The following NCAM2 variants were observed in gnomAD, a reference collection of about 807,000 sequenced individuals.
The protein encoded by NCAM2 is neural cell adhesion molecule 2.
In NCAM2, 30 loss-of-function variants were observed where a neutral mutation model predicts 98.1. The ratio of observed to expected loss-of-function variants is 0.31; its 90% CI spans 0.23 to 0.41. NCAM2 has a LOEUF of 0.41. Ranked by LOEUF, NCAM2 falls within the 10% of genes least tolerant of loss-of-function variation. The pLI is 1.00. For synonymous variants in NCAM2, 368 were observed against 342.4 expected (o/e 1.07, Z -0.83); for missense variants, 867 against 1,005.8 (o/e 0.86, Z 1.87).
At chr21:21,289,779 G>T (rs1031941937) in intron 4 of NCAM2, among the ~76,000 whole-genome samples, 1 of 151,756 alleles carries the variant, frequency 6.6e-6, no homozygotes, top group Non-Finnish European at 1.5e-5. Flanking sequence ...TATTCAAAGG[G>T]GGCATCATTA....
chr21:21,030,280 T>C (rs1446358582), intron 1 of NCAM2, among the ~76,000 whole-genome samples: 7 of 152,208 alleles, frequency 4.6e-5, no homozygotes, highest in African/African-American at 1.7e-4. Context: ...TTTTGTGACT[T>C]AGTTTGAAGA....
At chr21:21,103,888 A>G (rs898188019) in intron 1 of NCAM2, among the ~76,000 whole-genome samples, 1 of 152,116 alleles carries the variant, frequency 6.6e-6, no homozygotes, top group Admixed American at 6.6e-5. Flanking sequence ...GAGTTTAAAG[A>G]TGGAAAATGA....
chr21:21,288,526 A>T (rs985606035), intron 4 of NCAM2, among the ~76,000 whole-genome samples: 2 of 151,940 alleles, frequency 1.3e-5, no homozygotes, highest in Middle Eastern at 3.2e-3. Context: ...AAAATAAAAT[A>T]AAATCATATT....
intron 1 of NCAM2, among the ~76,000 whole-genome samples, chr21:21,085,855 G>A (rs2065896903): frequency 1.3e-5 from 2 of 152,148 alleles, no homozygotes; most frequent in South Asian, 2.1e-4. Context: ...TGTTACATAA[G>A]TAGAGTCAAA....
chr21:21,487,216 T>A (rs963315520), intron 15 of NCAM2, among the ~76,000 whole-genome samples: 1 of 152,184 alleles, frequency 6.6e-6, no homozygotes, highest in Non-Finnish European at 1.5e-5. Context: ...AATACTGTTG[T>A]TATATGCAGC....
chr21:21,393,250 A>C (rs1425384490), intron 9 of NCAM2, among the ~76,000 whole-genome samples: 1 of 152,124 alleles, frequency 6.6e-6, no homozygotes, highest in Non-Finnish European at 1.5e-5. Flanking sequence ...AAGATCAGGT[A>C]GTTATAGATG....
At chr21:21,153,462 A>G (rs1011546332) in intron 1 of NCAM2, among the ~76,000 whole-genome samples, 3 of 152,034 alleles carry the variant, frequency 2.0e-5, no homozygotes, top group Non-Finnish European at 4.4e-5. Flanking sequence ...ACATAAATAT[A>G]TAGAAATGTA....
chr21:21,044,992 A>T (rs1249491049), intron 1 of NCAM2, among the ~76,000 whole-genome samples: 1 of 152,138 alleles, frequency 6.6e-6, no homozygotes, highest in African/African-American at 2.4e-5. Flanking sequence ...ATGAAAATAC[A>T]TATATATCTA....
Position 21,030,332 on chromosome 21 carries a change from G to A in NCAM2, c.55+31714G>A, listed in dbSNP as rs1601143974. On this transcript the variant is annotated intron_variant, in intron 1 of 17. Transcript: ENST00000400546. ...CAAAGGGCAGGTCCTTGACTACCAC[G>A]ATATTAATTTTCTACTGCTGTTGTC... Among the ~76,000 whole-genome samples, 4 of 152,104 alleles carry A rather than the reference G, an allele frequency of 2.6e-5. 1 individual carries two copies. In the South Asian group the frequency reaches 8.3e-4, roughly 32 times the overall value.
chr21:21,208,452 G>A (rs2069523034), intron 1 of NCAM2, among the ~76,000 whole-genome samples: 1 of 152,240 alleles, frequency 6.6e-6, no homozygotes, highest in African/African-American at 2.4e-5. Context: ...TAGAGCCCAA[G>A]TGTGCTGACA....
chr21:21,088,353 C>G (rs531620981), intron 1 of NCAM2, among the ~76,000 whole-genome samples: 1 of 152,264 alleles, frequency 6.6e-6, no homozygotes, highest in East Asian at 1.9e-4. Flanking sequence ...CTATTCTTAA[C>G]ATCAAATTAA....
chr21:21,190,993 C>G (rs980583347), intron 1 of NCAM2, among the ~76,000 whole-genome samples: 2 of 152,096 alleles, frequency 1.3e-5, no homozygotes, highest in Non-Finnish European at 2.9e-5. Flanking sequence ...TATTTACATA[C>G]AGTATTTATT....
rs1051862191 is a variant in NCAM2 at position 21,541,276 on chromosome 21, C to T, written c.*3319C>T. On this transcript the variant is annotated 3_prime_UTR_variant, in exon 18 of 18. Transcript: ENST00000400546. The stretch of plus-strand genomic sequence containing the variant: ...AAAAAAACTACAATTAACATCATTA[C>T]TAGTATATTTTGCTTAGATTTGAGA... 1 of 151,520 alleles carries T rather than the reference C, an allele frequency of 6.6e-6. No individual in the cohort carries two copies. The highest frequency in any genetic ancestry group is 2.4e-5 in the African/African-American group (1 of 41,356). The allele number at this position is 151,520 out of a possible 1,614,324, so 9.4% of individuals were successfully genotyped here.
At chr21:21,047,304 A>C (rs1285619166) in intron 1 of NCAM2, among the ~76,000 whole-genome samples, 10 of 152,200 alleles carry the variant, frequency 6.6e-5, no homozygotes, top group Non-Finnish European at 7.4e-5. Flanking sequence ...TTGAAAATAG[A>C]AAAATATGCC....
intron 1 of NCAM2, among the ~76,000 whole-genome samples, chr21:21,219,371 C>T (rs959847985): frequency 1.2e-4 from 18 of 152,108 alleles, no homozygotes; most frequent in Non-Finnish European, 2.9e-5. Context: ...ATTGTTTCTA[C>T]TCAATTTAAA....
At chr21:21,141,625 C>A (rs2067169984) in intron 1 of NCAM2, among the ~76,000 whole-genome samples, 1 of 152,124 alleles carries the variant, frequency 6.6e-6, no homozygotes, top group Admixed American at 6.5e-5. Context: ...AGATTTCATT[C>A]CACTCAAGAT....
rs144962760 is a variant in NCAM2, at chr21:21,315,055, G to A, written c.620-9328G>A. ...ACTCTGGATCTTATTTCAGTATTAC[G>A]GAAAATGCTCACTTTTTTTGTTGTT... On this transcript the variant is annotated intron_variant, in intron 5 of 17. Transcript: ENST00000400546. Among the ~76,000 whole-genome samples the A allele has an allele frequency of 7.8e-3, 1,179 of 152,062 alleles. 9 individuals carry two copies. Among genetic ancestry groups the A allele is most frequent in the Middle Eastern group, 0.017 (5 of 294 alleles).
chr21:21,418,406 C>T, intron 10 of NCAM2, 67 bp from the exon 11 acceptor site: 1 of 1,137,504 alleles, frequency 8.8e-7, no homozygotes, highest in Non-Finnish European at 1.3e-6. Context: ...GGTAGTCATA[C>T]TGGGGTTTAT....
chr21:21,229,001 A>G lies in NCAM2; in HGVS notation c.56-51577A>G, dbSNP rs993369451. 5.3e-5 allele frequency among the ~76,000 whole-genome samples: 8 copies of G among 151,574 alleles called. No individual in the cohort carries two copies. The South Asian group carries it at 1.0e-3, about 20-fold the overall frequency. ...TTATTTTGTATAAACATATGATTTAAGTTACTCTTTTCTGTATTTCAAAAT... is the reference window on the plus strand; with the variant it reads ...TTATTTTGTATAAACATATGATTTAGGTTACTCTTTTCTGTATTTCAAAAT... On this transcript the variant is annotated intron_variant, in intron 1 of 17. Coordinates refer to ENST00000400546, the MANE Select transcript of NCAM2 (RefSeq NM_004540.5).
Sources: allele counts gnomAD v4.1 joint callset (sites outside exome capture counted in the v4.1 genomes callset), GRCh38; gene constraint gnomAD v4.1.1; transcripts MANE v1.5; gene names NCBI Gene and HGNC (gene_info 2026-07-23, HGNC 2026-07-21).